USHBP1: variants seen among roughly 807,000 people sequenced by gnomAD.
USHBP1 encodes USH1 protein network component harmonin binding protein 1, also known as harmonin-binding protein USHBP1.
In USHBP1, 67 loss-of-function variants were observed where a neutral mutation model predicts 76.2. That is an observed-to-expected ratio of 0.88 (90% CI 0.72 to 1.08). The LOEUF is 1.08. Ranked by LOEUF, USHBP1 falls within the 50% of genes least tolerant of loss-of-function variation. The probability of loss-of-function intolerance (pLI) is 0.00; values close to 1 mark genes in which losing one functional copy is unlikely to be tolerated. For missense variants in USHBP1, 931 were observed against 915.0 expected, an observed-to-expected ratio of 1.02 and a Z score of -0.23; for synonymous variants, 322 against 362.2, an observed-to-expected ratio of 0.89 and a Z score of 1.26.
Position 17,259,293 on chromosome 19 carries a change from A to G in USHBP1, c.1042T>C (p.Tyr348His), listed in dbSNP as rs2073658725. ...TCACTGGCAGGGTGCACTGACCTGT[A>G]CTGCAAGGCCAGATGCAATGCTGTG... The part of the protein sequence containing the change: ...EATALHLALQ[Y>H]SEHCEEAYRV... Residue 348 changes from tyrosine (Y) to histidine (H), a missense_variant, in exon 7 of 13, where the codon TAC (tyrosine) becomes CAC (histidine). By Grantham distance (83) the Tyr-to-His change is moderately conservative (BLOSUM62 2). Transcript: ENST00000252597. The G allele has an allele frequency of 6.2e-6, 10 of 1,612,004 alleles. No individual in the cohort carries two copies. Among genetic ancestry groups the G allele is most frequent in the Non-Finnish European group, 7.6e-6 (9 of 1,179,264 alleles).
At chr19:17,252,279 T>C (rs1477179007) in intron 10 of USHBP1, among the ~76,000 whole-genome samples, 1 of 152,026 alleles carries the variant, frequency 6.6e-6, no homozygotes, top group Non-Finnish European at 1.5e-5. Context: ...GACAGCAACC[T>C]CCGCCTCCCA....
Position 17,255,613 on chromosome 19 carries a change from G to A in USHBP1, c.1471-7C>T. On this transcript the variant is annotated splice_region_variant and splice_polypyrimidine_tract_variant and intron_variant, in intron 9 of 12. Coordinates refer to ENST00000252597, the MANE Select transcript of USHBP1 (RefSeq NM_031941.4). ...TCAGGTCCGCCAGGGCCTCCTGTGG[G>A]ACCAAGGAGAGGGGAGAGAATTTAT... 6.2e-7 allele frequency: 1 copy of A among 1,603,822 alleles called. No homozygotes were observed. The highest frequency in any genetic ancestry group is 2.2e-5 in the East Asian group (1 of 44,548).
chr19:17,255,355 C>G, intron 10 of USHBP1, 30 bp downstream of exon 10: 1 of 1,598,696 alleles, frequency 6.3e-7, no homozygotes, highest in Non-Finnish European at 8.6e-7. Context: ...GTAAGCTACT[C>G]CCCTACCAGG....
Position 17,251,690 on chromosome 19 carries a change from T to C in USHBP1, c.1814A>G (p.Gln605Arg), listed in dbSNP as rs1036755172. 6.2e-7 allele frequency: 1 copy of C among 1,613,442 alleles called. No homozygotes were observed. The highest frequency in any genetic ancestry group is 1.7e-4 in the Middle Eastern group (1 of 6,056). Residue 605 changes from glutamine to arginine, a missense_variant, in exon 12 of 13, where the codon CAG becomes CGG. By Grantham distance (43) the Gln-to-Arg change is conservative. Transcript: ENST00000252597. ...AASLTRTLDL[Q>R]EQLQSLRREL... Reference sequence around the variant, plus strand: ...CCTGCGCAGAGACTGCAGCTGCTCCTGCAGGTCCAGTGTCCTGTTGCGAAG... The same window carrying C: ...CCTGCGCAGAGACTGCAGCTGCTCCCGCAGGTCCAGTGTCCTGTTGCGAAG...
rs1298096978 is a variant in USHBP1, at chr19:17,256,824, C to T, written c.1221-104G>A. 6.7e-6 allele frequency: 10 copies of T among 1,500,260 alleles called. No individual in the cohort carries two copies. The South Asian group carries it at 1.2e-4, about 19-fold the overall frequency. 92.9% of individuals were successfully genotyped at this position (1,500,260 alleles called of 1,614,324 possible). Reference sequence around the variant, plus strand: ...CCATCACCTTCCATCTCACTGGCCACGATGGAATCTATGCCATCTTTGGTG... The same window carrying T: ...CCATCACCTTCCATCTCACTGGCCATGATGGAATCTATGCCATCTTTGGTG... On this transcript the variant is annotated intron_variant, in intron 8 of 12. Transcript: ENST00000252597.
intron 9 of USHBP1, among the ~76,000 whole-genome samples, chr19:17,256,159 A>C (rs1300425739): frequency 6.6e-6 from 1 of 152,180 alleles, no homozygotes; most frequent in East Asian, 1.9e-4. Flanking sequence ...GTTCTGTCAA[A>C]GCTTCTGGAG....
In USHBP1 at chr19:17,263,168, GC is replaced by G. The variant is rs1599480373; in HGVS notation, c.204-179del. On this transcript the variant is annotated intron_variant, in intron 3 of 12. Coordinates refer to ENST00000252597, the MANE Select transcript of USHBP1 (RefSeq NM_031941.4). Reference sequence around the variant, plus strand: ...TTCTCCTGCCTCGGTCCCCCAAGTAGCTGGGATTACAGGCTCCCACCACCAC... The same window carrying G: ...TTCTCCTGCCTCGGTCCCCCAAGTAGTGGGATTACAGGCTCCCACCACCAC... 1.6e-5 allele frequency: 9 copies of G among 546,128 alleles called. No individual in the cohort carries two copies. The East Asian group carries it at 2.9e-4, about 18-fold the overall frequency. The allele number at this position is 546,128 out of a possible 1,614,324, so 33.8% of individuals were successfully genotyped here.
At chr19:17,261,337 C>CTTTCTTTCTTTCTT (rs747378053) in intron 4 of USHBP1, among the ~76,000 whole-genome samples, 1 of 123,928 alleles carries the variant, frequency 8.1e-6, no homozygotes, top group African/African-American at 3.2e-5. Context: ...TTCTTTCTTT[C>CTTTCTTTCTTTCTT]TTTTTTTTTT....
At chr19:17,251,457 C>T in intron 12 of USHBP1, 125 bp downstream of exon 12, 3 of 1,361,770 alleles carry the variant, frequency 2.2e-6, no homozygotes, top group South Asian at 2.5e-5. Context: ...AGCCACCACA[C>T]CTGACCGTTA....
intron 4 of USHBP1, among the ~76,000 whole-genome samples, chr19:17,260,499 T>C (rs1279670510): frequency 1.3e-5 from 2 of 152,042 alleles, no homozygotes; most frequent in African/African-American, 4.8e-5. Flanking sequence ...CTGACAAATA[T>C]TTGTATTTTC....
chr19:17,260,625 C>G (rs896660623), intron 4 of USHBP1, among the ~76,000 whole-genome samples: 1 of 152,068 alleles, frequency 6.6e-6, no homozygotes, highest in Non-Finnish European at 1.5e-5. Context: ...ACAATGCACC[C>G]AGCAGCCACA....
At chr19:17,257,498 C>A (rs922404354) in intron 8 of USHBP1, among the ~76,000 whole-genome samples, 1 of 150,580 alleles carries the variant, frequency 6.6e-6, no homozygotes, top group Non-Finnish European at 1.5e-5. Context: ...CAAAATTAGC[C>A]GGGTGTGGTA....
rs766362771 is a variant in USHBP1 at position 17,255,483 on chromosome 19, G to A, written c.1594C>T (p.Arg532Trp). 17 of 1,613,818 alleles carry A rather than the reference G, an allele frequency of 1.1e-5. No homozygotes were observed. The highest frequency in any genetic ancestry group is 1.6e-4 in the Middle Eastern group (1 of 6,082). ...PAHVLLLEQLRWERAELQAGG... is the reference protein window; with the variant it reads ...PAHVLLLEQLWWERAELQAGG... ...GCCTGGAGCTCTGCCCGTTCCCACC[G>A]CAGCTGCTCCAGCAGGAGCACGTGA... Residue 532 changes from arginine to tryptophan, a missense_variant, in exon 10 of 13, where the codon CGG (arginine) becomes TGG (tryptophan). Coordinates refer to ENST00000252597, the MANE Select transcript of USHBP1 (RefSeq NM_031941.4).
intron 3 of USHBP1, 124 bp from the exon 4 acceptor site, chr19:17,263,114 T>G: frequency 1.0e-6 from 1 of 961,132 alleles, no homozygotes; most frequent in Non-Finnish European, 1.4e-6. Flanking sequence ...CTCGGCTCAC[T>G]GCAACCTCCA....
At chr19:17,264,194 G>T in intron 2 of USHBP1, 44 bp from the exon 3 acceptor site, 2 of 1,612,834 alleles carry the variant, frequency 1.2e-6, no homozygotes, top group Middle Eastern at 1.7e-4. Flanking sequence ...AGGCAGGACA[G>T]GACCTTGGGG....
chr19:17,255,496 C>G lies in USHBP1; in HGVS notation c.1581G>C (p.Leu527=), dbSNP rs61735365. Residue 527 remains leucine, a synonymous_variant, in exon 10 of 13, where the codon CTG becomes CTC. Coordinates refer to ENST00000252597, the MANE Select transcript of USHBP1 (RefSeq NM_031941.4). ...CCCGTTCCCACCGCAGCTGCTCCAG[C>G]AGGAGCACGTGAGCTGGACCCAGGG... is the stretch of plus-strand genomic sequence containing the variant. ...LRALGPAHVL[L]LEQLRWERAE... The G allele has an allele frequency of 1.8e-3, 2,873 of 1,613,982 alleles. 46 individuals carry two copies. In the African/African-American group the frequency reaches 0.034, roughly 19 times the overall value.
At chr19:17,253,143 T>G (rs954914647) in intron 10 of USHBP1, among the ~76,000 whole-genome samples, 4 of 151,684 alleles carry the variant, frequency 2.6e-5, no homozygotes, top group African/African-American at 9.7e-5. Flanking sequence ...TAATTTTTTG[T>G]ATTTTTAGTA....
At chr19:17,261,881 C>G (rs2073693660) in intron 4 of USHBP1, among the ~76,000 whole-genome samples, 1 of 151,780 alleles carries the variant, frequency 6.6e-6, no homozygotes, top group Admixed American at 6.6e-5. Flanking sequence ...GACAAGGTTT[C>G]ACCATGTTGG....
intron 10 of USHBP1, 144 bp downstream of exon 10, chr19:17,255,241 G>T: frequency 1.1e-6 from 1 of 904,860 alleles, no homozygotes; most frequent in East Asian, 2.7e-5. Flanking sequence ...GTGGTGAGCC[G>T]AGATTGCAAC....
Sources: allele counts gnomAD v4.1 joint callset (sites outside exome capture counted in the v4.1 genomes callset), GRCh38; gene constraint gnomAD v4.1.1; transcripts MANE v1.5; gene names NCBI Gene and HGNC (gene_info 2026-07-23, HGNC 2026-07-21).